Variants in SEC11A observed in about 807,000 individuals in gnomAD.
The protein encoded by SEC11A is SEC11 homolog A, signal peptidase complex subunit.
A neutral mutation model predicts 25.6 loss-of-function variants in SEC11A; 14 were observed. The ratio of observed to expected loss-of-function variants is 0.55; its 90% confidence interval spans 0.36 to 0.85. SEC11A has a LOEUF of 0.85. SEC11A is among the 40% of genes least tolerant of loss of function. SEC11A has a pLI of 0.01. For synonymous variants in SEC11A, 83 were observed against 76.4 expected (o/e 1.09, Z -0.45); for missense variants, 153 against 222.9 (o/e 0.69, Z 2.00).
intron 1 of SEC11A, among the ~76,000 whole-genome samples, chr15:84,708,831 C>T (rs1898177851): frequency 6.6e-6 from 1 of 151,764 alleles, no homozygotes; most frequent in African/African-American, 2.4e-5. Context: ...ATCTAGAAAT[C>T]GTTAAGATAT....
intron 1 of SEC11A, among the ~76,000 whole-genome samples, chr15:84,702,297 C>T (rs1377093510): frequency 6.6e-6 from 1 of 151,178 alleles, no homozygotes; most frequent in African/African-American, 2.4e-5. Flanking sequence ...CCCATCTCTA[C>T]TAAAAATACA....
At chr15:84,706,266 C>T (rs374714713) in intron 1 of SEC11A, among the ~76,000 whole-genome samples, 2 of 152,074 alleles carry the variant, frequency 1.3e-5, no homozygotes, top group African/African-American at 4.8e-5. Context: ...CATAATGGTT[C>T]CATTAAACTG....
At chr15:84,715,526 C>T (rs958915948) in intron 1 of SEC11A, among the ~76,000 whole-genome samples, 1 of 152,158 alleles carries the variant, frequency 6.6e-6, no homozygotes, top group Admixed American at 6.6e-5. Flanking sequence ...AAGTCAAAGT[C>T]GGTGCAGCCC....
chr15:84,701,111 T>C (rs1023906918), intron 1 of SEC11A, among the ~76,000 whole-genome samples: 1 of 146,482 alleles, frequency 6.8e-6, no homozygotes, highest in Non-Finnish European at 1.5e-5. Flanking sequence ...AAGAAAAGTT[T>C]AGCAAACTTG....
intron 1 of SEC11A, among the ~76,000 whole-genome samples, chr15:84,707,181 C>CTTTTTTT (rs35694643): frequency 1.4e-4 from 13 of 91,644 alleles, no homozygotes; most frequent in African/African-American, 2.0e-4. Context: ...TTGTGTGAGA[C>CTTTTTTT]TTTTTTTTTT....
chr15:84,699,366 T>C (rs117364174), intron 1 of SEC11A, among the ~76,000 whole-genome samples: 3,597 of 151,088 alleles, frequency 0.024, 68 homozygotes, highest in Non-Finnish European at 0.037. Context: ...AATATGCTGT[T>C]CTAGCCAAAA....
Position 84,676,230 on chromosome 15 carries a change from T to A in SEC11A, c.431+4483A>T, listed in dbSNP as rs1021973599. On this transcript the variant is annotated intron_variant, in intron 4 of 5. Transcript: ENST00000268220. ...AGAGCCTTAGGCCTCAACATAAAAT[T>A]TTTTTAGTGTGCAGCTGTTAAAAAA... 3.3e-5 allele frequency among the ~76,000 whole-genome samples: 5 copies of A among 152,246 alleles called. No homozygotes were observed. The East Asian group carries it at 9.7e-4, about 29-fold the overall frequency.
At chr15:84,673,754 TA>T (rs1327983871) in intron 4 of SEC11A, 2 of 151,514 alleles carry the variant, frequency 1.3e-5, no homozygotes, top group Non-Finnish European at 2.9e-5. Flanking sequence ...ACTAAAAATA[TA>T]AAAATTAGCT....
At chr15:84,670,390 C>T in intron 5 of SEC11A, 1 of 272,698 alleles carries the variant, frequency 3.7e-6, no homozygotes, top group Non-Finnish European at 6.9e-6. Flanking sequence ...GTGTGTACCA[C>T]CATTCCTGGC....
intron 4 of SEC11A, among the ~76,000 whole-genome samples, chr15:84,674,766 C>T (rs1897093229): frequency 6.6e-6 from 1 of 152,142 alleles, no homozygotes. Flanking sequence ...CACTACCTTG[C>T]TCAGGCTGGT....
intron 2 of SEC11A, among the ~76,000 whole-genome samples, chr15:84,690,502 A>T (rs1461525112): frequency 6.6e-6 from 1 of 152,138 alleles, no homozygotes; most frequent in African/African-American, 2.4e-5. Flanking sequence ...CTGCAGTCCC[A>T]CCTGCTCAGG....
At chr15:84,683,852 G>A (rs139886592) in intron 3 of SEC11A, among the ~76,000 whole-genome samples, 4 of 152,196 alleles carry the variant, frequency 2.6e-5, no homozygotes, top group African/African-American at 9.6e-5. Context: ...TCCTACTCCA[G>A]CATTTCACAA....
At chr15:84,702,069 A>G (rs1211154142) in intron 1 of SEC11A, among the ~76,000 whole-genome samples, 1 of 151,804 alleles carries the variant, frequency 6.6e-6, no homozygotes, top group Non-Finnish European at 1.5e-5. Flanking sequence ...CTGTCTCAAT[A>G]ACAATGATAA....
At chr15:84,691,498 C>T in intron 2 of SEC11A, 37 bp downstream of exon 2, 2 of 1,111,044 alleles carry the variant, frequency 1.8e-6, no homozygotes, top group South Asian at 1.3e-5. Context: ...CCAAGTAATG[C>T]CATGCAATTC....
In SEC11A at chr15:84,700,593, C is replaced by CAAAAAAAAA. The variant is rs776113920; in HGVS notation, c.52-8958_52-8950dup. Among the ~76,000 whole-genome samples, 11 of 36,102 alleles carry CAAAAAAAAA rather than the reference C, an allele frequency of 3.0e-4. 1 individual carries two copies. The highest frequency in any genetic ancestry group is 1.7e-3 in the Admixed American group (3 of 1,748). 23.7% of individuals were successfully genotyped at this position (36,102 alleles called of 152,430 possible). ...TGGGTGACAGAGGAAGACTCTGTCT[C>CAAAAAAAAA]AAAAAAAAAAAAAAAAAAAAAAAAA... is the stretch of plus-strand genomic sequence containing the variant. On this transcript the variant is annotated intron_variant, in intron 1 of 5. Coordinates refer to ENST00000268220, the MANE Select transcript of SEC11A (RefSeq NM_014300.4).
At chr15:84,679,353 T>C (rs1897225086) in intron 4 of SEC11A, 2 of 594,138 alleles carry the variant, frequency 3.4e-6, no homozygotes, top group African/African-American at 1.9e-5. Flanking sequence ...CGGGGACATA[T>C]TAAAACAACA....
At chr15:84,685,797 C>CTTTTTTTTTTTTTTTTTTT (rs72000042) in intron 3 of SEC11A, 2 of 90,810 alleles carry the variant, frequency 2.2e-5, no homozygotes, top group Non-Finnish European at 4.0e-5. Flanking sequence ...AAATAAATTT[C>CTTTTTTTTTTTTTTTTTTT]TTTTTTTTTT....
At chr15:84,714,978 T>C (rs1334428162) in intron 1 of SEC11A, 1 of 152,158 alleles carries the variant, frequency 6.6e-6, no homozygotes, top group African/African-American at 2.4e-5. Context: ...ACTATACAAG[T>C]AAAAATTTGA....
At chr15:84,675,992 A>G (rs1203612638) in intron 4 of SEC11A, among the ~76,000 whole-genome samples, 1 of 152,226 alleles carries the variant, frequency 6.6e-6, no homozygotes, top group East Asian at 1.9e-4. Flanking sequence ...GTCCGAGGCT[A>G]CAGGAAGTAG....
Sources: gnomAD v4.1 joint callset for allele counts (sites outside exome capture counted in the v4.1 genomes callset) on GRCh38, gnomAD v4.1.1 for gene constraint, MANE v1.5 for transcripts, NCBI Gene and HGNC (gene_info 2026-07-23, HGNC 2026-07-21) for gene names.